EXOC6B: variants seen among roughly 807,000 people sequenced by gnomAD.
EXOC6B encodes the protein SEC15 homolog B.
EXOC6B carries 54 observed loss-of-function variants against 113.5 expected under a neutral mutation model. The ratio of observed to expected loss-of-function variants is 0.48; its 90% confidence interval spans 0.38 to 0.60. The LOEUF is 0.60. Among genes scored for constraint, EXOC6B ranks in the 20% least tolerant of loss-of-function variants. The pLI, the probability that EXOC6B is intolerant of heterozygous loss-of-function variation, is 0.00. For missense variants in EXOC6B, 797 were observed against 977.5 expected, an observed-to-expected ratio of 0.82 and a Z score of 2.46; for synonymous variants, 357 against 339.0, an observed-to-expected ratio of 1.05 and a Z score of -0.58.
chr2:72,177,581 G>C lies in EXOC6B; in HGVS notation c.*1754C>G, dbSNP rs1357500589. On this transcript the variant is annotated 3_prime_UTR_variant, in exon 22 of 22. Transcript: ENST00000272427. The stretch of plus-strand genomic sequence containing the variant: ...CCCTGGCCAACCATCCAGCCCTCAG[G>C]ATGAGCCTCAGCAGCATCTATGAGC... 2 of 152,178 alleles carry C rather than the reference G, an allele frequency of 1.3e-5. No homozygotes were observed. The highest frequency in any genetic ancestry group is 1.9e-4 in the East Asian group (1 of 5,196). 9.4% of individuals were successfully genotyped at this position (152,178 alleles called of 1,614,324 possible). A position where few individuals can be genotyped will look rare whatever the true frequency, so the allele number is the denominator to read the frequency against.
intron 6 of EXOC6B, among the ~76,000 whole-genome samples, chr2:72,652,668 T>A (rs975937626): frequency 8.1e-5 from 12 of 148,978 alleles, no homozygotes; most frequent in Admixed American, 3.4e-4. Flanking sequence ...TATATAAATA[T>A]ATGTATATAT....
At chr2:72,257,305 T>C (rs1683410229) in intron 20 of EXOC6B, among the ~76,000 whole-genome samples, 1 of 152,166 alleles carries the variant, frequency 6.6e-6, no homozygotes, top group African/African-American at 2.4e-5. Context: ...TTTGACTAAA[T>C]AAGTTAAAAC....
intron 17 of EXOC6B, among the ~76,000 whole-genome samples, chr2:72,470,419 T>C (rs916620072): frequency 3.3e-5 from 5 of 152,178 alleles, no homozygotes; most frequent in Admixed American, 6.5e-5. Context: ...GATTTTTGTA[T>C]GTTGATTTTA....
chr2:72,553,549 A>G (rs1300250273), intron 8 of EXOC6B, among the ~76,000 whole-genome samples: 2 of 152,098 alleles, frequency 1.3e-5, no homozygotes, highest in Non-Finnish European at 2.9e-5. Context: ...ATTTTGATAT[A>G]TTATAAAATA....
intron 20 of EXOC6B, among the ~76,000 whole-genome samples, chr2:72,190,129 C>T (rs1219957485): frequency 6.6e-6 from 1 of 151,400 alleles, no homozygotes; most frequent in African/African-American, 2.4e-5. Flanking sequence ...CTCCTGGGCT[C>T]AAGTAATCCT....
intron 17 of EXOC6B, among the ~76,000 whole-genome samples, chr2:72,476,449 G>C (rs992092253): frequency 6.6e-6 from 1 of 152,112 alleles, no homozygotes; most frequent in African/African-American, 2.4e-5. Context: ...CCTCTAGTCG[G>C]TCATCTTGAA....
Position 72,178,825 on chromosome 2 carries a change from G to C in EXOC6B, c.*510C>G, listed in dbSNP as rs1677903157. 1 of 152,572 alleles carries C rather than the reference G, an allele frequency of 6.6e-6. No individual in the cohort carries two copies. Among genetic ancestry groups the C allele is most frequent in the South Asian group, 2.1e-4 (1 of 4,838 alleles). 9.5% of individuals were successfully genotyped at this position (152,572 alleles called of 1,614,324 possible). A position where few individuals can be genotyped will look rare whatever the true frequency, so the allele number is the denominator to read the frequency against. ...CCAGTGAAAGTCAGCAGACTGAGGA[G>C]ATGACCCTCCAGAGCTGCCCTTAGT... is the stretch of plus-strand genomic sequence containing the variant. On this transcript the variant is annotated 3_prime_UTR_variant, in exon 22 of 22. Transcript: ENST00000272427.
intron 1 of EXOC6B, among the ~76,000 whole-genome samples, chr2:72,744,995 C>T (rs200298713): frequency 1.3e-5 from 2 of 152,112 alleles, no homozygotes; most frequent in Non-Finnish European, 2.9e-5. Context: ...TTAATCTCTC[C>T]GACCCTCAAC....
intron 1 of EXOC6B, among the ~76,000 whole-genome samples, chr2:72,787,266 T>C (rs1314242608): frequency 3.4e-4 from 52 of 151,934 alleles, no homozygotes; most frequent in Admixed American, 3.1e-3. Flanking sequence ...GGCTGGAGTG[T>C]GGTGGCGCAA....
intron 8 of EXOC6B, among the ~76,000 whole-genome samples, chr2:72,541,127 T>C (rs1029914591): frequency 3.3e-5 from 5 of 152,220 alleles, no homozygotes; most frequent in South Asian, 2.1e-4. Context: ...ATTCTCATGA[T>C]AGTGAATAAG....
At chr2:72,491,780 C>G (rs1244338311) in intron 16 of EXOC6B, among the ~76,000 whole-genome samples, 1 of 152,114 alleles carries the variant, frequency 6.6e-6, no homozygotes, top group Admixed American at 6.6e-5. Context: ...TCTACACATT[C>G]CCTTGATCCC....
At chr2:72,348,219 A>C (rs541254608) in intron 19 of EXOC6B, among the ~76,000 whole-genome samples, 1 of 152,250 alleles carries the variant, frequency 6.6e-6, no homozygotes, top group South Asian at 2.1e-4. Flanking sequence ...CACTAATCCT[A>C]TTTACAAGGT....
chr2:72,371,381 C>A (rs769661791), intron 19 of EXOC6B, among the ~76,000 whole-genome samples: 2 of 151,984 alleles, frequency 1.3e-5, no homozygotes, highest in Admixed American at 6.6e-5. Flanking sequence ...AAAGACACAT[C>A]GAAAAAGAAA....
chr2:72,603,073 GTTT>G (rs61465336), intron 6 of EXOC6B, among the ~76,000 whole-genome samples: 56 of 142,824 alleles, frequency 3.9e-4, no homozygotes, highest in Non-Finnish European at 4.2e-4. Context: ...CGGACAGATG[GTTT>G]TTTTTTTTTT....
At chr2:72,701,230 T>A (rs1328331663) in intron 6 of EXOC6B, among the ~76,000 whole-genome samples, 2 of 151,240 alleles carry the variant, frequency 1.3e-5, no homozygotes, top group Non-Finnish European at 2.9e-5. Flanking sequence ...TAATCCCAGC[T>A]ACTCTGGAGG....
At chr2:72,572,445 C>A (rs1024103376) in intron 7 of EXOC6B, among the ~76,000 whole-genome samples, 1 of 152,184 alleles carries the variant, frequency 6.6e-6, no homozygotes, top group African/African-American at 2.4e-5. Context: ...CACAAACCCC[C>A]TGAAATTTCA....
intron 20 of EXOC6B, among the ~76,000 whole-genome samples, chr2:72,280,388 T>C (rs541379647): frequency 6.6e-6 from 1 of 152,214 alleles, no homozygotes; most frequent in Non-Finnish European, 1.5e-5. Context: ...ACACAGATGT[T>C]AGAATTAAGC....
In EXOC6B at chr2:72,668,007, T is replaced by C. The variant is rs116687355; in HGVS notation, c.669+50096A>G. On this transcript the variant is annotated intron_variant, in intron 6 of 21. Transcript: ENST00000272427. ...TAATATCCAGAATCTATAATGAACTTAAATCAACAACCAAAAAACCAATAA... is the reference window on the plus strand; with the variant it reads ...TAATATCCAGAATCTATAATGAACTCAAATCAACAACCAAAAAACCAATAA... Among the ~76,000 whole-genome samples the C allele has an allele frequency of 2.2e-3, 342 of 152,120 alleles. 5 individuals are homozygous for C. Among genetic ancestry groups the C allele is most frequent in the African/African-American group, 7.6e-3 (317 of 41,520 alleles).
chr2:72,461,507 G>T (rs1697673834), intron 18 of EXOC6B: 1 of 151,570 alleles, frequency 6.6e-6, no homozygotes, highest in African/African-American at 2.4e-5. Context: ...TATTTTTAAT[G>T]AATAAATATA....
Sources: allele counts gnomAD v4.1 joint callset (sites outside exome capture counted in the v4.1 genomes callset), GRCh38; gene constraint gnomAD v4.1.1; transcripts MANE v1.5; gene names NCBI Gene and HGNC (gene_info 2026-07-23, HGNC 2026-07-21).